Variants in GPR139 observed in about 807,000 individuals in gnomAD.
The protein encoded by GPR139 is G protein-coupled receptor 139.
GPR139 carries 12 observed loss-of-function variants against 25.8 expected under a neutral mutation model. The observed-to-expected ratio is 0.47, with a 90% CI of 0.30 to 0.75. The LOEUF (loss-of-function observed/expected upper bound fraction) is 0.75, where lower values mean the gene tolerates loss of function less well. GPR139 is among the 30% of genes least tolerant of loss of function. GPR139 has a pLI of 0.07. For missense variants in GPR139, 380 were observed against 450.2 expected, an observed-to-expected ratio of 0.84 and a Z score of 1.41; for synonymous variants, 184 against 179.9, an observed-to-expected ratio of 1.02 and a Z score of -0.18.
intron 1 of GPR139, among the ~76,000 whole-genome samples, chr16:20,039,790 C>T (rs113751458): frequency 2.0e-5 from 3 of 152,134 alleles, no homozygotes; most frequent in East Asian, 1.9e-4. Flanking sequence ...GTCAAAACCC[C>T]GTCTTCCATG....
intron 1 of GPR139, among the ~76,000 whole-genome samples, chr16:20,060,257 C>T (rs72772758): frequency 6.1e-5 from 9 of 146,736 alleles, no homozygotes; most frequent in South Asian, 2.2e-4. Flanking sequence ...TGTGTGTGTG[C>T]GTGTGTGTGT....
intron 1 of GPR139, among the ~76,000 whole-genome samples, chr16:20,067,508 C>A (rs2057439220): frequency 6.6e-6 from 1 of 152,092 alleles, no homozygotes; most frequent in Non-Finnish European, 1.5e-5. Context: ...AGAGACTATT[C>A]AGAATTGGAG....
intron 1 of GPR139, among the ~76,000 whole-genome samples, chr16:20,063,766 CA>C (rs1174555037): frequency 6.6e-6 from 1 of 152,190 alleles, no homozygotes; most frequent in Non-Finnish European, 1.5e-5. Flanking sequence ...AGACTGCTAG[CA>C]GTGTGATTTC....
At chr16:20,033,171 T>C (rs560535326) in intron 1 of GPR139, among the ~76,000 whole-genome samples, 9 of 126,052 alleles carry the variant, frequency 7.1e-5, no homozygotes, top group Non-Finnish European at 9.8e-5. Context: ...GAAGGTGGTG[T>C]TGCCATTCTC....
At chr16:20,039,557 A>G (rs1341888806) in intron 1 of GPR139, among the ~76,000 whole-genome samples, 1 of 152,198 alleles carries the variant, frequency 6.6e-6, no homozygotes, top group Admixed American at 6.5e-5. Context: ...TGCTCAGGGC[A>G]CTTCTAAGCA....
At chr16:20,043,990 A>G (rs2057345600) in intron 1 of GPR139, among the ~76,000 whole-genome samples, 1 of 152,218 alleles carries the variant, frequency 6.6e-6, no homozygotes. Context: ...TTGTGTAAAC[A>G]TAATGAGATT....
rs77290237 is a variant in GPR139, at chr16:20,040,641, C to G, written c.128-7972G>C. On this transcript the variant is annotated intron_variant, in intron 1 of 1. Coordinates refer to ENST00000570682, the MANE Select transcript of GPR139 (RefSeq NM_001002911.4). The stretch of plus-strand genomic sequence containing the variant: ...GTAGAAATCCTGGTTTAAAGGGTAA[C>G]ACACTTTTCTTCCGTCTTTCCCTTT... Among the ~76,000 whole-genome samples, 1,492 of 152,258 alleles carry G rather than the reference C, an allele frequency of 9.8e-3. 14 individuals carry two copies. Among genetic ancestry groups the G allele is most frequent in the Non-Finnish European group, 0.014 (924 of 68,022 alleles).
chr16:20,054,547 T>C (rs1017629184), intron 1 of GPR139, among the ~76,000 whole-genome samples: 42 of 152,092 alleles, frequency 2.8e-4, no homozygotes, highest in African/African-American at 8.9e-4. Flanking sequence ...AGTTAGAATA[T>C]AGAATGGGAA....
rs1347337171 is a variant in GPR139, at chr16:20,071,063, G to A, written c.127+2427C>T. 5.4e-6 allele frequency: 5 copies of A among 918,692 alleles called. No individual in the cohort carries two copies. In the East Asian group the frequency reaches 5.9e-4, roughly 108 times the overall value. 56.9% of individuals were successfully genotyped at this position (918,692 alleles called of 1,614,324 possible). ...TGCAGTGTCAATAAATGAATGTCAG[G>A]CACCAAGGCGAGCATTTCGCTAGTG... On this transcript the variant is annotated intron_variant, in intron 1 of 1. Transcript: ENST00000570682.
In GPR139 at chr16:20,031,168, T is replaced by G. The variant is rs1318496690; in HGVS notation, c.*567A>C. On this transcript the variant is annotated 3_prime_UTR_variant, in exon 2 of 2. Coordinates refer to ENST00000570682, the MANE Select transcript of GPR139 (RefSeq NM_001002911.4). ...GTTTGGATGGGATCCAATACTCTTCTATTCCCACAGTGTCATTCTGAAGCT... is the reference window on the plus strand; with the variant it reads ...GTTTGGATGGGATCCAATACTCTTCGATTCCCACAGTGTCATTCTGAAGCT... Among the ~76,000 whole-genome samples, 7 of 152,136 alleles carry G rather than the reference T, an allele frequency of 4.6e-5. No individual in the cohort carries two copies.
chr16:20,071,996 C>T (rs963109659), intron 1 of GPR139, among the ~76,000 whole-genome samples: 3 of 152,142 alleles, frequency 2.0e-5, no homozygotes, highest in African/African-American at 4.8e-5. Flanking sequence ...CAAGCATCAT[C>T]AAATAACCAA....
chr16:20,056,723 A>T (rs1288359812), intron 1 of GPR139, among the ~76,000 whole-genome samples: 5 of 152,220 alleles, frequency 3.3e-5, no homozygotes. Context: ...TGGTCAATAA[A>T]CATTCACTAT....
At chr16:20,044,672 A>G (rs1193258281) in intron 1 of GPR139, among the ~76,000 whole-genome samples, 1 of 152,206 alleles carries the variant, frequency 6.6e-6, no homozygotes, top group Non-Finnish European at 1.5e-5. Context: ...ATCTTCATAT[A>G]CACCAAGTAT....
In GPR139 at chr16:20,030,068, A is replaced by T. The variant is rs528720549; in HGVS notation, c.*1667T>A. Among the ~76,000 whole-genome samples, 12 of 152,344 alleles carry T rather than the reference A, an allele frequency of 7.9e-5. No individual in the cohort carries two copies. Among genetic ancestry groups the T allele is most frequent in the African/African-American group, 2.9e-4 (12 of 41,578 alleles). On this transcript the variant is annotated 3_prime_UTR_variant, in exon 2 of 2. Transcript: ENST00000570682. ...TCCTTTAAAAGGGGTAAGAATTAGGATCATCAGGACTAATATGACCTAAGT... is the reference window on the plus strand; with the variant it reads ...TCCTTTAAAAGGGGTAAGAATTAGGTTCATCAGGACTAATATGACCTAAGT...
At chr16:20,056,050 A>C (rs987389970) in intron 1 of GPR139, among the ~76,000 whole-genome samples, 1 of 152,264 alleles carries the variant, frequency 6.6e-6, no homozygotes, top group Admixed American at 6.5e-5. Flanking sequence ...TAAAGAAGTC[A>C]GCAATCTTAC....
At chr16:20,041,247 A>G (rs1164216519) in intron 1 of GPR139, among the ~76,000 whole-genome samples, 1 of 5,634 alleles carries the variant, frequency 1.8e-4, no homozygotes, top group African/African-American at 6.2e-4. Context: ...AGAGGAGAGG[A>G]GAGGGAAGGA....
chr16:20,041,970 T>G (rs1200482227), intron 1 of GPR139, among the ~76,000 whole-genome samples: 1 of 152,198 alleles, frequency 6.6e-6, no homozygotes, highest in African/African-American at 2.4e-5. Flanking sequence ...GGCTGACTCT[T>G]ACCCAAAATA....
At chr16:20,050,445 G>T in intron 1 of GPR139, among the ~76,000 whole-genome samples, 1 of 152,202 alleles carries the variant, frequency 6.6e-6, no homozygotes, top group Admixed American at 6.5e-5. Context: ...TTCTGAATTA[G>T]TTGCTGTATT....
At chr16:20,061,119 C>CTTTT (rs1301867159) in intron 1 of GPR139, among the ~76,000 whole-genome samples, 69 of 151,800 alleles carry the variant, frequency 4.5e-4, no homozygotes, top group African/African-American at 1.6e-3. Flanking sequence ...AAAAATGGGT[C>CTTTT]TTTTTTGGTT....
Sources: gnomAD v4.1 joint callset for allele counts (sites outside exome capture counted in the v4.1 genomes callset) on GRCh38, gnomAD v4.1.1 for gene constraint, MANE v1.5 for transcripts, NCBI Gene and HGNC (gene_info 2026-07-23, HGNC 2026-07-21) for gene names.